FMN1: variants seen among roughly 807,000 people sequenced by gnomAD.
The protein encoded by FMN1 is formin 1.
In FMN1, 110 loss-of-function variants were observed where a neutral mutation model predicts 132.4. The ratio of observed to expected loss-of-function variants is 0.83; its 90% CI spans 0.71 to 0.97. The LOEUF is 0.97. Ranked by LOEUF, FMN1 falls within the 50% of genes least tolerant of loss-of-function variation. The pLI is 0.00. For synonymous variants in FMN1, 722 were observed against 651.7 expected (o/e 1.11, Z -1.64); for missense variants, 1,792 against 1,705.3 (o/e 1.05, Z -0.90).
chr15:33,039,518 T>C (rs796303358), intron 6 of FMN1, among the ~76,000 whole-genome samples: 28 of 152,340 alleles, frequency 1.8e-4, no homozygotes, highest in African/African-American at 2.6e-4. Flanking sequence ...TGCTGGAAAA[T>C]TGACCTAGAG....
chr15:32,815,420 A>C (rs1200034333), intron 17 of FMN1, among the ~76,000 whole-genome samples: 2 of 152,110 alleles, frequency 1.3e-5, no homozygotes, highest in African/African-American at 2.4e-5. Flanking sequence ...GGTTTCCCAT[A>C]ACTGCCTCTG....
At chr15:33,000,106 G>C (rs1375553475) in intron 7 of FMN1, among the ~76,000 whole-genome samples, 1 of 152,156 alleles carries the variant, frequency 6.6e-6, no homozygotes, top group Non-Finnish European at 1.5e-5. Context: ...ATGGACTAGA[G>C]ACCTGCTGAC....
At chr15:33,077,933 A>G (rs890077390) in intron 5 of FMN1, among the ~76,000 whole-genome samples, 1 of 152,198 alleles carries the variant, frequency 6.6e-6, no homozygotes, top group Non-Finnish European at 1.5e-5. Context: ...CTAAACCACA[A>G]TGAGATACCA....
At chr15:33,115,090 C>G (rs1448290252) in intron 4 of FMN1, among the ~76,000 whole-genome samples, 1 of 152,136 alleles carries the variant, frequency 6.6e-6, no homozygotes, top group Non-Finnish European at 1.5e-5. Flanking sequence ...ATGCCAGGCA[C>G]GGAATCATAT....
chr15:33,152,291 C>T (rs903891716), intron 4 of FMN1, among the ~76,000 whole-genome samples: 2 of 152,122 alleles, frequency 1.3e-5, no homozygotes, highest in Non-Finnish European at 2.9e-5. Flanking sequence ...TTTTAAATCA[C>T]ATTAAGTATG....
intron 4 of FMN1, among the ~76,000 whole-genome samples, chr15:33,122,210 T>C (rs745421441): frequency 1.1e-4 from 17 of 152,332 alleles, no homozygotes; most frequent in Non-Finnish European, 2.4e-4. Flanking sequence ...CTCTGACCTA[T>C]AGTCACCAAA....
At chr15:32,929,763 T>C (rs758646973) in intron 9 of FMN1, among the ~76,000 whole-genome samples, 6 of 130,984 alleles carry the variant, frequency 4.6e-5, no homozygotes, top group Non-Finnish European at 9.9e-5. Flanking sequence ...TGACAAGATT[T>C]CCTTTTTTTT....
At chr15:33,005,964 C>G (rs969373181) in intron 7 of FMN1, among the ~76,000 whole-genome samples, 1 of 152,136 alleles carries the variant, frequency 6.6e-6, no homozygotes, top group African/African-American at 2.4e-5. Context: ...GTGAAATTGA[C>G]TCATTTTCTC....
At chr15:32,819,907 A>G (rs985557282) in intron 17 of FMN1, among the ~76,000 whole-genome samples, 2 of 152,104 alleles carry the variant, frequency 1.3e-5, no homozygotes, top group African/African-American at 4.8e-5. Context: ...ATTACCTACC[A>G]TTTTTCGCAT....
At chr15:33,105,810 G>C (rs950174012) in intron 4 of FMN1, 1 of 149,696 alleles carries the variant, frequency 6.7e-6, no homozygotes, top group Admixed American at 6.7e-5. Flanking sequence ...AATAGGACAA[G>C]AAAAAAAAAA....
intron 10 of FMN1, among the ~76,000 whole-genome samples, chr15:32,917,698 G>A (rs1010843546): frequency 2.0e-5 from 3 of 152,068 alleles, no homozygotes; most frequent in African/African-American, 7.2e-5. Context: ...GTAATTTACT[G>A]GACAAAGATT....
At chr15:33,069,600 A>G (rs1250137362) in intron 5 of FMN1, among the ~76,000 whole-genome samples, 3 of 152,218 alleles carry the variant, frequency 2.0e-5, no homozygotes, top group Middle Eastern at 3.2e-3. Flanking sequence ...CAGTACTAAA[A>G]ACAATCTAAG....
In FMN1 at chr15:33,191,101, C is replaced by T. The variant is rs371045592; in HGVS notation, c.-197+2808G>A. 1.5e-3 allele frequency among the ~76,000 whole-genome samples: 230 copies of T among 150,820 alleles called. 1 individual carries two copies. Among genetic ancestry groups the T allele is most frequent in the African/African-American group, 5.5e-3 (225 of 41,058 alleles). On this transcript the variant is annotated intron_variant, in intron 2 of 20. Coordinates refer to ENST00000616417, the MANE Select transcript of FMN1 (RefSeq NM_001277313.2). ...AGGAGAATGGCGTGAACCCGGGAGGCGGAGCTTGCAGTGTGTTGAGACCGT... is the reference window on the plus strand; with the variant it reads ...AGGAGAATGGCGTGAACCCGGGAGGTGGAGCTTGCAGTGTGTTGAGACCGT...
At chr15:32,850,359 T>C (rs2058981442) in intron 17 of FMN1, among the ~76,000 whole-genome samples, 1 of 152,226 alleles carries the variant, frequency 6.6e-6, no homozygotes. Context: ...GTATGGCCTT[T>C]GTCAATCTAA....
intron 17 of FMN1, among the ~76,000 whole-genome samples, chr15:32,813,083 T>C (rs1405674631): frequency 6.6e-6 from 1 of 152,230 alleles, no homozygotes; most frequent in South Asian, 2.1e-4. Context: ...CAACTAGTTA[T>C]ATAGCATTTA....
intron 5 of FMN1, among the ~76,000 whole-genome samples, chr15:33,087,830 T>C (rs2038758243): frequency 6.6e-6 from 1 of 152,074 alleles, no homozygotes; most frequent in Non-Finnish European, 1.5e-5. Flanking sequence ...TATACATATA[T>C]ACATATACAT....
At chr15:33,117,259 G>A (rs1019593329) in intron 4 of FMN1, among the ~76,000 whole-genome samples, 9 of 152,260 alleles carry the variant, frequency 5.9e-5, no homozygotes, top group African/African-American at 1.9e-4. Flanking sequence ...TACGCCCTCA[G>A]ATTCTGGCAA....
At chr15:33,025,275 C>G (rs1213641125) in intron 6 of FMN1, among the ~76,000 whole-genome samples, 1 of 152,078 alleles carries the variant, frequency 6.6e-6, no homozygotes, top group Non-Finnish European at 1.5e-5. Context: ...AAATATCCCT[C>G]TACCAGAAAT....
chr15:32,961,330 C>G (rs2030519490), intron 9 of FMN1, among the ~76,000 whole-genome samples: 1 of 151,956 alleles, frequency 6.6e-6, no homozygotes, highest in Non-Finnish European at 1.5e-5. Flanking sequence ...GACGGGGTTT[C>G]CCGAAATTGG....
Sources: gnomAD v4.1 joint callset for allele counts (sites outside exome capture counted in the v4.1 genomes callset) on GRCh38, gnomAD v4.1.1 for gene constraint, MANE v1.5 for transcripts, NCBI Gene and HGNC (gene_info 2026-07-23, HGNC 2026-07-21) for gene names.